RBFOX1: variants seen among roughly 807,000 people sequenced by gnomAD.
RBFOX1 encodes the protein RNA binding protein fox-1 homolog 1.
A neutral mutation model predicts 57.7 loss-of-function variants in RBFOX1; 8 were observed. That is an observed-to-expected ratio of 0.14 (90% CI 0.08 to 0.25). The LOEUF (loss-of-function observed/expected upper bound fraction) is 0.25. Ranked by LOEUF, RBFOX1 falls within the 10% of genes least tolerant of loss-of-function variation. The pLI, the probability that RBFOX1 is intolerant of heterozygous loss-of-function variation, is 1.00. For synonymous variants in RBFOX1, 326 were observed against 222.4 expected (o/e 1.47, Z -4.15); for missense variants, 611 against 548.5 (o/e 1.11, Z -1.14).
chr16:5,256,623 G>A lies in RBFOX1; in HGVS notation c.219+16518G>A, dbSNP rs376491153. On this transcript the variant is annotated intron_variant, in intron 1 of 2. Transcript: ENST00000585867. ...AATCTGTGAAATCATACTGGACCTC[G>A]AAGCTTTCTATTAAAAAAAATAGCT... Among the ~76,000 whole-genome samples, 129 of 152,166 alleles carry A rather than the reference G, an allele frequency of 8.5e-4. 2 individuals are homozygous for A. The South Asian group carries it at 0.025, about 30-fold the overall frequency.
At chr16:5,619,312 G>A (rs550939786) in intron 3 of RBFOX1, among the ~76,000 whole-genome samples, 5 of 152,250 alleles carry the variant, frequency 3.3e-5, no homozygotes, top group South Asian at 2.1e-4. Flanking sequence ...ACCCTGGAAC[G>A]GAGGGCCTGA....
chr16:6,887,822 C>G (rs2064460268), intron 3 of RBFOX1, among the ~76,000 whole-genome samples: 1 of 152,066 alleles, frequency 6.6e-6, no homozygotes, highest in Non-Finnish European at 1.5e-5. Flanking sequence ...GTCACCACAC[C>G]TGGCTAATTT....
rs77859615 is a variant in RBFOX1, at chr16:6,100,197, C to G, written c.-127+80205C>G. Among the ~76,000 whole-genome samples, 52 of 151,862 alleles carry G rather than the reference C, an allele frequency of 3.4e-4. No individual in the cohort carries two copies. The East Asian group carries it at 7.8e-3, about 23-fold the overall frequency. On this transcript the variant is annotated intron_variant, in intron 1 of 15. Transcript: ENST00000550418. Reference sequence around the variant, plus strand: ...TTGTTTTTTGAGACGGAGTCTTGCTCTGTCACCCAGGCTGGAGTGCAGTGG... The same window carrying G: ...TTGTTTTTTGAGACGGAGTCTTGCTGTGTCACCCAGGCTGGAGTGCAGTGG...
intron 3 of RBFOX1, among the ~76,000 whole-genome samples, chr16:6,736,324 C>T (rs897539324): frequency 6.6e-6 from 1 of 152,134 alleles, no homozygotes; most frequent in African/African-American, 2.4e-5. Flanking sequence ...CTCTTCCCCC[C>T]AAGTCCCCAA....
intron 1 of RBFOX1, among the ~76,000 whole-genome samples, chr16:6,033,404 T>C (rs1255957347): frequency 2.0e-5 from 3 of 152,238 alleles, no homozygotes; most frequent in Admixed American, 6.5e-5. Flanking sequence ...TGCACTTGCC[T>C]TGCAGTTTAT....
intron 3 of RBFOX1, among the ~76,000 whole-genome samples, chr16:5,609,604 C>T (rs985973066): frequency 2.6e-5 from 4 of 152,176 alleles, no homozygotes; most frequent in Non-Finnish European, 4.4e-5. Flanking sequence ...CAGAGCCTGG[C>T]CAAACCAAAT....
chr16:7,315,513 A>C (rs2096417609), intron 4 of RBFOX1, among the ~76,000 whole-genome samples: 2 of 149,134 alleles, frequency 1.3e-5, no homozygotes, highest in South Asian at 4.3e-4. Context: ...AGTTTTAGCT[A>C]TCTGGTTCTT....
chr16:5,591,283 C>G (rs974996415), intron 2 of RBFOX1, among the ~76,000 whole-genome samples: 2 of 140,920 alleles, frequency 1.4e-5, no homozygotes, highest in Admixed American at 7.2e-5. Context: ...CGGAGTTTCT[C>G]TTTTGTTACC....
intron 3 of RBFOX1, among the ~76,000 whole-genome samples, chr16:6,895,442 G>GTATA (rs1277364462): frequency 2.5e-5 from 2 of 78,662 alleles, no homozygotes; most frequent in Admixed American, 1.3e-4. Flanking sequence ...GTGTGTGTGT[G>GTATA]TGTGTGTATA....
intron 3 of RBFOX1, among the ~76,000 whole-genome samples, chr16:6,960,879 A>C (rs1313453995): frequency 1.3e-5 from 2 of 151,502 alleles, no homozygotes; most frequent in South Asian, 4.2e-4. Context: ...CACATCTGTA[A>C]TCCCAGCACT....
At chr16:6,984,516 T>G (rs2089777941) in intron 3 of RBFOX1, among the ~76,000 whole-genome samples, 3 of 152,170 alleles carry the variant, frequency 2.0e-5, no homozygotes, top group African/African-American at 4.8e-5. Context: ...TCTCCTCACC[T>G]TTAGTAGTCA....
intron 3 of RBFOX1, among the ~76,000 whole-genome samples, chr16:7,021,739 C>G (rs113657558): frequency 4.6e-5 from 7 of 150,598 alleles, no homozygotes; most frequent in African/African-American, 1.7e-4. Flanking sequence ...AAAAATGACC[C>G]TAAAAACAAG....
chr16:5,333,597 G>A (rs1241826764), intron 1 of RBFOX1, among the ~76,000 whole-genome samples: 3 of 152,220 alleles, frequency 2.0e-5, no homozygotes, highest in African/African-American at 7.2e-5. Context: ...CTGGAGGCAA[G>A]TGCTTCAGTG....
chr16:6,288,320 G>T (rs1476314954), intron 1 of RBFOX1, among the ~76,000 whole-genome samples: 1 of 152,180 alleles, frequency 6.6e-6, no homozygotes, highest in Non-Finnish European at 1.5e-5. Context: ...CTTGTTAAAA[G>T]AATTGCTTAG....
At chr16:6,834,711 T>C (rs1379960562) in intron 3 of RBFOX1, among the ~76,000 whole-genome samples, 2 of 152,144 alleles carry the variant, frequency 1.3e-5, no homozygotes, top group Non-Finnish European at 2.9e-5. Context: ...AAGTGATATC[T>C]GGAGTTAAGC....
intron 1 of RBFOX1, among the ~76,000 whole-genome samples, chr16:6,200,822 G>A (rs549414271): frequency 6.6e-6 from 1 of 152,166 alleles, no homozygotes; most frequent in East Asian, 1.9e-4. Context: ...TATGACTCAG[G>A]AACACATGCT....
At chr16:7,617,487 C>A (rs1264391050) in intron 10 of RBFOX1, among the ~76,000 whole-genome samples, 2 of 152,022 alleles carry the variant, frequency 1.3e-5, no homozygotes, top group East Asian at 3.9e-4. Flanking sequence ...AATAAAGCCA[C>A]CAGTTTAAGC....
intron 4 of RBFOX1, among the ~76,000 whole-genome samples, chr16:7,182,664 G>C (rs1415467791): frequency 6.6e-6 from 1 of 152,206 alleles, no homozygotes; most frequent in South Asian, 2.1e-4. Context: ...AGAGGAGGAA[G>C]AGCGGCAGGA....
At chr16:7,231,593 C>CT (rs1291378410) in intron 4 of RBFOX1, among the ~76,000 whole-genome samples, 1 of 152,174 alleles carries the variant, frequency 6.6e-6, no homozygotes, top group Non-Finnish European at 1.5e-5. Flanking sequence ...TACACAAATG[C>CT]TTATAACATC....
Sources: allele counts gnomAD v4.1 joint callset (sites outside exome capture counted in the v4.1 genomes callset), GRCh38; gene constraint gnomAD v4.1.1; transcripts MANE v1.5; gene names NCBI Gene and HGNC (gene_info 2026-07-23, HGNC 2026-07-21).